Variants in TMTC1 observed in about 807,000 individuals in gnomAD.
TMTC1 encodes transmembrane O-mannosyltransferase targeting cadherins 1, also known as protein O-mannosyl-transferase TMTC1.
In TMTC1, 73 loss-of-function variants were observed where a neutral mutation model predicts 104.8. The ratio of observed to expected loss-of-function variants is 0.70; its 90% CI spans 0.58 to 0.85. The LOEUF (loss-of-function observed/expected upper bound fraction) is 0.85. TMTC1 is among the 40% of genes least tolerant of loss of function. The pLI, the probability that TMTC1 is intolerant of heterozygous loss-of-function variation, is 0.00. For synonymous variants in TMTC1, 434 were observed against 428.7 expected (o/e 1.01, Z -0.15); for missense variants, 1,035 against 1,096.1 (o/e 0.94, Z 0.79).
intron 5 of TMTC1, chr12:29,660,801 T>TA (rs775261310): frequency 8.0e-7 from 1 of 1,252,256 alleles, no homozygotes; most frequent in South Asian, 1.6e-5. Flanking sequence ...TATATATACT[T>TA]ACATAACTTA....
intron 7 of TMTC1, among the ~76,000 whole-genome samples, chr12:29,598,723 TTA>T (rs940722292): frequency 1.8e-4 from 27 of 152,348 alleles, no homozygotes; most frequent in African/African-American, 6.3e-4. Flanking sequence ...GTTTTCTTTT[TTA>T]GACAGTTTGC....
chr12:29,679,155 C>T (rs1940829524), intron 5 of TMTC1, among the ~76,000 whole-genome samples: 1 of 152,082 alleles, frequency 6.6e-6, no homozygotes, highest in South Asian at 2.1e-4. Context: ...CAGGAACACT[C>T]ATTATATATT....
intron 6 of TMTC1, among the ~76,000 whole-genome samples, 155 bp from the exon 7 acceptor site, chr12:29,604,454 A>G (rs1401045392): frequency 2.0e-5 from 3 of 152,170 alleles, no homozygotes; most frequent in Non-Finnish European, 2.9e-5. Flanking sequence ...TTAACAGAGA[A>G]AGCTGACGGG....
At chr12:29,631,529 A>G (rs908331248) in intron 6 of TMTC1, among the ~76,000 whole-genome samples, 1 of 152,236 alleles carries the variant, frequency 6.6e-6, no homozygotes, top group Admixed American at 6.5e-5. Flanking sequence ...ACTATGTCAA[A>G]AAACAGTTGA....
intron 5 of TMTC1, among the ~76,000 whole-genome samples, chr12:29,718,436 TC>T (rs879573557): frequency 4.6e-5 from 7 of 152,154 alleles, no homozygotes; most frequent in Non-Finnish European, 7.4e-5. Flanking sequence ...CAGAAGACTG[TC>T]CCCAATTCTG....
Position 29,517,506 on chromosome 12 carries a change from C to T in TMTC1, c.2090G>A (p.Gly697Asp). 3 of 1,614,098 alleles carry T rather than the reference C, an allele frequency of 1.9e-6. No individual in the cohort carries two copies. Among genetic ancestry groups the T allele is most frequent in the Non-Finnish European group, 2.5e-6 (3 of 1,180,012 alleles). The change falls in exon 14 of 18, where the codon GGC (glycine) becomes GAC (aspartate). Residue 697 changes from glycine to aspartate, a missense_variant. Transcript: ENST00000539277. Reference sequence around the variant, plus strand: ...AATCTGCAAAGCCTCTTCGTATCGGCCAGTGTTGTAATACAGTGCTCCCAA... The same window carrying T: ...AATCTGCAAAGCCTCTTCGTATCGGTCAGTGTTGTAATACAGTGCTCCCAA... Reference protein sequence around the residue: ...SPLGALYYNTGRYEEALQIYQ... With the variant: ...SPLGALYYNTDRYEEALQIYQ...
At chr12:29,711,506 G>A (rs1011489702) in intron 5 of TMTC1, among the ~76,000 whole-genome samples, 5 of 152,120 alleles carry the variant, frequency 3.3e-5, no homozygotes, top group African/African-American at 7.2e-5. Context: ...GACCTAGGAC[G>A]GGTGTTGGTG....
chr12:29,694,180 TC>T (rs1253791207), intron 5 of TMTC1, among the ~76,000 whole-genome samples: 4 of 152,158 alleles, frequency 2.6e-5, no homozygotes, highest in Non-Finnish European at 5.9e-5. Flanking sequence ...TAACGATCCA[TC>T]CCCGTATCTG....
At chr12:29,710,047 T>A (rs918210328) in intron 5 of TMTC1, among the ~76,000 whole-genome samples, 1 of 151,484 alleles carries the variant, frequency 6.6e-6, no homozygotes, top group Non-Finnish European at 1.5e-5. Context: ...GTTCTGATAC[T>A]GCTATACCCT....
intron 5 of TMTC1, among the ~76,000 whole-genome samples, chr12:29,671,507 T>C (rs7298533): frequency 0.55 from 84,232 of 151,960 alleles, 23,605 homozygotes; most frequent in African/African-American, 0.64. Context: ...AGAAAATGTA[T>C]TGAGTGCATA....
Position 29,513,886 on chromosome 12 carries a change from G to GAC in TMTC1, c.2430+594_2430+595dup, listed in dbSNP as rs1046564039. Among the ~76,000 whole-genome samples, 13 of 151,678 alleles carry GAC rather than the reference G, an allele frequency of 8.6e-5. No homozygotes were observed. In the South Asian group the frequency reaches 1.3e-3, roughly 15 times the overall value. The stretch of plus-strand genomic sequence containing the variant: ...ATTTGTGCGTGCCTGCACACACAGA[G>GAC]ACACACACACACACATACGGGGGTT... On this transcript the variant is annotated intron_variant, in intron 16 of 17. Transcript: ENST00000539277.
chr12:29,530,859 G>T (rs1174104308), intron 11 of TMTC1, among the ~76,000 whole-genome samples: 3 of 152,162 alleles, frequency 2.0e-5, no homozygotes, highest in African/African-American at 7.2e-5. Context: ...CCCTTAGAGG[G>T]TCTATTCCTT....
At chr12:29,604,127 G>A (rs371170932) in intron 7 of TMTC1, 51 bp downstream of exon 7, 544 of 1,607,798 alleles carry the variant, frequency 3.4e-4, no homozygotes, top group Non-Finnish European at 4.4e-4. Flanking sequence ...AACTATCAAT[G>A]TTGGTGACAG....
intron 5 of TMTC1, among the ~76,000 whole-genome samples, chr12:29,648,195 A>G (rs779436330): frequency 8.5e-5 from 13 of 152,204 alleles, no homozygotes; most frequent in African/African-American, 1.2e-4. Context: ...CATAAAAAAC[A>G]TGGAAGCAGA....
intron 7 of TMTC1, among the ~76,000 whole-genome samples, chr12:29,585,919 T>A (rs1318870575): frequency 6.6e-6 from 1 of 152,134 alleles, no homozygotes; most frequent in Non-Finnish European, 1.5e-5. Flanking sequence ...CTTGGAAATG[T>A]GGGCTCTTTT....
At chr12:29,518,994 A>G (rs1008931571) in intron 12 of TMTC1, among the ~76,000 whole-genome samples, 2 of 152,226 alleles carry the variant, frequency 1.3e-5, no homozygotes, top group African/African-American at 4.8e-5. Context: ...AGGCTACTGT[A>G]GAAATAAAAC....
chr12:29,664,731 C>T (rs1940208023), intron 5 of TMTC1, among the ~76,000 whole-genome samples: 1 of 152,154 alleles, frequency 6.6e-6, no homozygotes, highest in African/African-American at 2.4e-5. Flanking sequence ...GGAAATAATA[C>T]TTAACTATGA....
At position 29,501,260 on chromosome 12, in the gene TMTC1, T is replaced by G. The variant is rs758651294; in HGVS notation, c.*5586A>C. On this transcript the variant is annotated 3_prime_UTR_variant, in exon 18 of 18. Coordinates refer to ENST00000539277, the MANE Select transcript of TMTC1 (RefSeq NM_001193451.2). ...AATAGGAGTAACTACCTCTGCCATG[T>G]TCAAGCACTTGGGCAATTCAGTCAC... The G allele has an allele frequency of 6.6e-6, 1 of 152,208 alleles. No homozygotes were observed. The highest frequency in any genetic ancestry group is 2.4e-5 in the African/African-American group (1 of 41,450). The allele number at this position is 152,208 out of a possible 1,614,324, so 9.4% of individuals were successfully genotyped here.
At chr12:29,694,557 A>G (rs145284454) in intron 5 of TMTC1, among the ~76,000 whole-genome samples, 2 of 151,850 alleles carry the variant, frequency 1.3e-5, no homozygotes, top group African/African-American at 4.8e-5. Context: ...AATATTGTCA[A>G]TCTGTGAAAT....
Sources: allele counts gnomAD v4.1 joint callset (sites outside exome capture counted in the v4.1 genomes callset), GRCh38; gene constraint gnomAD v4.1.1; transcripts MANE v1.5; gene names NCBI Gene and HGNC (gene_info 2026-07-23, HGNC 2026-07-21).